Variants in LDB3 observed in about 807,000 individuals in gnomAD.
The protein encoded by LDB3 is LIM domain binding 3.
Under a neutral mutation model 69.0 loss-of-function variants are expected in LDB3, and 49 were observed. That is an observed-to-expected ratio of 0.71 (90% CI 0.56 to 0.90). The LOEUF is 0.90. Ranked by LOEUF, LDB3 falls within the 40% of genes least tolerant of loss-of-function variation. The probability of loss-of-function intolerance (pLI) is 0.00; values close to 1 mark genes in which losing one functional copy is unlikely to be tolerated. For synonymous variants in LDB3, 387 were observed against 396.2 expected, an observed-to-expected ratio of 0.98 and a Z score of 0.28; for missense variants, 928 against 974.1, an observed-to-expected ratio of 0.95 and a Z score of 0.63.
At chr10:86,681,864 G>T (rs1021921417) in intron 5 of LDB3, 61 bp downstream of exon 5, 2 of 1,497,160 alleles carry the variant, frequency 1.3e-6, no homozygotes, top group African/African-American at 2.8e-5. Context: ...CTCGGTGCTC[G>T]GCAGAGACCT....
At chr10:86,668,212 C>A (rs1005818350), upstream of LDB3, among the ~76,000 whole-genome samples, 2 of 152,184 alleles carry the variant, frequency 1.3e-5, no homozygotes, top group Admixed American at 6.5e-5. Flanking sequence ...GGGAGCTCAG[C>A]CCCTGGTCTT....
chr10:86,668,895 A>T, intron 2 of LDB3, 111 bp downstream of exon 2: 1 of 833,852 alleles, frequency 1.2e-6, no homozygotes, highest in Non-Finnish European at 2.0e-6. Flanking sequence ...AAAGCAGAGC[A>T]TGCCCCATCC....
intron 2 of LDB3, among the ~76,000 whole-genome samples, chr10:86,674,472 C>A (rs1318819481): frequency 1.3e-5 from 2 of 152,164 alleles, no homozygotes; most frequent in African/African-American, 4.8e-5. Flanking sequence ...GGCGGAAGGG[C>A]TCCTGGGGGC....
Position 86,717,944 on chromosome 10 carries a change from G to A in LDB3, c.1677-20G>A, listed in dbSNP as rs995596521. 12 of 1,613,190 alleles carry A rather than the reference G, an allele frequency of 7.4e-6. No homozygotes were observed. The highest frequency in any genetic ancestry group is 1.1e-5 in the South Asian group (1 of 91,042). ...AGTTCTGGGAGCTGCCTTACTGGGTGCCATTCTGTGCTTCCCCAGGGGCCC... is the reference window on the plus strand; with the variant it reads ...AGTTCTGGGAGCTGCCTTACTGGGTACCATTCTGTGCTTCCCCAGGGGCCC... On this transcript the variant is annotated intron_variant, in intron 10 of 13. Coordinates refer to ENST00000361373, the MANE Select transcript of LDB3 (RefSeq NM_007078.3).
intron 12 of LDB3, among the ~76,000 whole-genome samples, chr10:86,725,571 A>C (rs553603363): frequency 2.0e-5 from 3 of 152,294 alleles, no homozygotes; most frequent in Non-Finnish European, 4.4e-5. Flanking sequence ...TAAATTGCAA[A>C]GCATCATATC....
chr10:86,733,946 C>T lies in LDB3; in HGVS notation c.*970C>T, dbSNP rs1223739334. ...CTCCATCTCAAATAGGCTTGGTGGC[C>T]TGTGGAAAAGAAGAGAGACAGAGAG... On this transcript the variant is annotated 3_prime_UTR_variant, in exon 14 of 14. Transcript: ENST00000361373. 1 of 152,178 alleles carries T rather than the reference C, an allele frequency of 6.6e-6. No homozygotes were observed. Among genetic ancestry groups the T allele is most frequent in the Non-Finnish European group, 1.5e-5 (1 of 68,062 alleles). 9.4% of individuals were successfully genotyped at this position (152,178 alleles called of 1,614,324 possible). A position where few individuals can be genotyped will look rare whatever the true frequency, so the allele number is the denominator to read the frequency against.
intron 9 of LDB3, among the ~76,000 whole-genome samples, chr10:86,711,872 T>A (rs1449214290): frequency 6.7e-6 from 1 of 150,096 alleles, no homozygotes; most frequent in Non-Finnish European, 1.5e-5. Context: ...CGGCCCGGCG[T>A]GAGTCAGAAA....
intron 13 of LDB3, among the ~76,000 whole-genome samples, chr10:86,729,262 C>G (rs1039677098): frequency 8.5e-5 from 13 of 152,190 alleles, no homozygotes; most frequent in African/African-American, 2.7e-4. Context: ...CAGTATCCCT[C>G]AAGTCCAAAG....
intron 2 of LDB3, among the ~76,000 whole-genome samples, chr10:86,676,525 A>G (rs1040880071): frequency 1.5e-4 from 22 of 145,214 alleles, no homozygotes; most frequent in Non-Finnish European, 2.5e-4. Flanking sequence ...AGATGATGCC[A>G]TTGCACTCCA....
rs45563234 is a variant in LDB3 at position 86,681,813 on chromosome 10, G to C, written c.689+10G>C. The C allele has an allele frequency of 1.3e-6, 2 of 1,586,176 alleles. No individual in the cohort carries two copies. Among genetic ancestry groups the C allele is most frequent in the Non-Finnish European group, 1.7e-6 (2 of 1,167,808 alleles). ...TCGGACTCCCAGGAGGGTAGGTAAC[G>C]GACATACAGCTCTCCACAGGTGGCC... On this transcript the variant is annotated intron_variant, in intron 5 of 13. Coordinates refer to ENST00000361373, the MANE Select transcript of LDB3 (RefSeq NM_007078.3).
upstream of LDB3, among the ~76,000 whole-genome samples, chr10:86,667,634 G>A (rs1217247682): frequency 6.6e-6 from 1 of 152,214 alleles, no homozygotes; most frequent in African/African-American, 2.4e-5. Flanking sequence ...CAAAGGGCAC[G>A]GGGCCTGGCG....
chr10:86,716,644 G>GGAGGCCCAGCCTACACCCCAGC lies in LDB3; in HGVS notation c.1551_1572dup (p.Gly525ArgfsTer23), dbSNP rs1846887601. ...CATCAGCAAGCAGACCCTGCCCCGG[G>GGAGGCCCAGCCTACACCCCAGC]GAGGCCCAGCCTACACCCCAGCGGG... On this transcript the variant is annotated frameshift_variant, in exon 10 of 14. Transcript: ENST00000361373. LOFTEE classifies it high-confidence loss of function. The GGAGGCCCAGCCTACACCCCAGC allele has an allele frequency of 6.2e-7, 1 of 1,613,546 alleles. No homozygotes were observed. Among genetic ancestry groups the GGAGGCCCAGCCTACACCCCAGC allele is most frequent in the African/African-American group, 1.3e-5 (1 of 74,758 alleles).
chr10:86,685,847 G>A (rs2132391145), intron 5 of LDB3: 1 of 963,198 alleles, frequency 1.0e-6, no homozygotes, highest in Non-Finnish European at 1.7e-6. Context: ...ACCCCTGGGT[G>A]AGCCTGCATG....
intron 13 of LDB3, among the ~76,000 whole-genome samples, chr10:86,731,791 A>G (rs1847466972): frequency 6.6e-6 from 1 of 151,330 alleles, no homozygotes; most frequent in Non-Finnish European, 1.5e-5. Flanking sequence ...CTAGCAGTGC[A>G]CGAGTAGGCC....
intron 12 of LDB3, among the ~76,000 whole-genome samples, chr10:86,725,467 G>A (rs1330123671): frequency 6.6e-6 from 1 of 152,226 alleles, no homozygotes; most frequent in African/African-American, 2.4e-5. Context: ...TTGACTGTGT[G>A]TCAGGCATTG....
At chr10:86,679,266 C>A (rs1262024038) in intron 2 of LDB3, 101 bp from the exon 3 acceptor site, 6 of 1,429,758 alleles carry the variant, frequency 4.2e-6, no homozygotes, top group Non-Finnish European at 5.9e-6. Context: ...AACACAATGA[C>A]GGCTTCTGTT....
intron 13 of LDB3, 30 bp from the exon 14 acceptor site, chr10:86,732,857 G>A (rs1233556355): frequency 1.3e-6 from 2 of 1,575,062 alleles, no homozygotes; most frequent in Admixed American, 3.4e-5. Context: ...GTGCCACGTG[G>A]GTCTCACGCA....
chr10:86,684,504 A>G (rs1045107629), intron 5 of LDB3, among the ~76,000 whole-genome samples: 3 of 152,226 alleles, frequency 2.0e-5, no homozygotes, highest in Non-Finnish European at 4.4e-5. Context: ...TGGAGAAGGA[A>G]TGGAGCTCCG....
intron 7 of LDB3, among the ~76,000 whole-genome samples, chr10:86,695,306 C>T (rs1344118842): frequency 3.3e-5 from 5 of 152,220 alleles, no homozygotes; most frequent in African/African-American, 1.2e-4. Flanking sequence ...ACTGCTCTGC[C>T]TCCAAGGTCC....
Sources: gnomAD v4.1 joint callset for allele counts (sites outside exome capture counted in the v4.1 genomes callset) on GRCh38, gnomAD v4.1.1 for gene constraint, MANE v1.5 for transcripts, NCBI Gene and HGNC (gene_info 2026-07-23, HGNC 2026-07-21) for gene names.